Variants in RBMS3 observed in about 807,000 individuals in gnomAD.
RBMS3 encodes the protein RNA-binding motif, single-stranded-interacting protein 3.
RBMS3 carries 27 observed loss-of-function variants against 66.8 expected under a neutral mutation model. That is an observed-to-expected ratio of 0.40 (90% CI 0.30 to 0.56). The LOEUF (loss-of-function observed/expected upper bound fraction) is 0.56. RBMS3 is among the 20% of genes least tolerant of loss of function. RBMS3 has a pLI of 0.40. For missense variants in RBMS3, 513 were observed against 549.5 expected, an observed-to-expected ratio of 0.93 and a Z score of 0.66; for synonymous variants, 188 against 183.0, an observed-to-expected ratio of 1.03 and a Z score of -0.22.
chr3:29,428,740 A>G (rs2041062988), intron 1 of RBMS3, among the ~76,000 whole-genome samples: 1 of 152,226 alleles, frequency 6.6e-6, no homozygotes, highest in South Asian at 2.1e-4. Flanking sequence ...AGGAAGATCT[A>G]CAAGCCAGTT....
At chr3:29,440,601 A>G (rs1364208838) in intron 2 of RBMS3, among the ~76,000 whole-genome samples, 1 of 152,222 alleles carries the variant, frequency 6.6e-6, no homozygotes, top group Non-Finnish European at 1.5e-5. Context: ...TCTGAATGTC[A>G]CTTTAACATT....
intron 2 of RBMS3, among the ~76,000 whole-genome samples, chr3:29,473,634 C>G (rs771001107): frequency 6.6e-6 from 1 of 152,228 alleles, no homozygotes; most frequent in African/African-American, 2.4e-5. Context: ...CTGCAGGTCC[C>G]GAGCCCTGCC....
intron 12 of RBMS3, among the ~76,000 whole-genome samples, chr3:29,968,756 C>G (rs905491753): frequency 6.6e-6 from 1 of 152,220 alleles, no homozygotes; most frequent in Non-Finnish European, 1.5e-5. Context: ...TGTGGATCCT[C>G]TCAGGATTGC....
chr3:29,814,753 A>T (rs955995816), intron 6 of RBMS3, among the ~76,000 whole-genome samples: 1 of 152,238 alleles, frequency 6.6e-6, no homozygotes, highest in African/African-American at 2.4e-5. Context: ...CACATTGTGC[A>T]CATGTACCCT....
intron 10 of RBMS3, among the ~76,000 whole-genome samples, chr3:29,918,701 T>C (rs2060698096): frequency 6.6e-6 from 1 of 152,188 alleles, no homozygotes; most frequent in Non-Finnish European, 1.5e-5. Flanking sequence ...GAGAAAATTC[T>C]ATGTAAGTAT....
chr3:29,486,709 C>T (rs2043333973), intron 2 of RBMS3, among the ~76,000 whole-genome samples: 1 of 152,096 alleles, frequency 6.6e-6, no homozygotes, highest in African/African-American at 2.4e-5. Flanking sequence ...GGACAATATG[C>T]ATGCCATTGA....
chr3:29,384,435 T>TAATAATAATAATAATAATAATAATAAG (rs776357215), intron 1 of RBMS3, among the ~76,000 whole-genome samples: 1 of 141,038 alleles, frequency 7.1e-6, no homozygotes, highest in Non-Finnish European at 1.5e-5. Flanking sequence ...ATAATAATAA[T>TAATAATAATAATAATAATAATAATAAG]AAGAAGAAGA....
At chr3:29,662,442 T>A (rs72846074) in intron 4 of RBMS3, among the ~76,000 whole-genome samples, 5,381 of 152,308 alleles carry the variant, frequency 0.035, 211 homozygotes, top group African/African-American at 0.09. Flanking sequence ...CCATTTCAAC[T>A]GTATGTAGTA....
intron 1 of RBMS3, among the ~76,000 whole-genome samples, chr3:29,423,885 T>G (rs1333982442): frequency 2.0e-5 from 3 of 152,134 alleles, no homozygotes; most frequent in Non-Finnish European, 4.4e-5. Context: ...TAGCTTCAGG[T>G]CCTGGGTATG....
intron 4 of RBMS3, among the ~76,000 whole-genome samples, chr3:29,638,511 A>G (rs1448537900): frequency 6.6e-6 from 1 of 151,850 alleles, no homozygotes; most frequent in African/African-American, 2.4e-5. Flanking sequence ...CTGAAAAATT[A>G]CTTGATAGTT....
chr3:29,438,370 T>C (rs59229759), intron 2 of RBMS3, among the ~76,000 whole-genome samples: 8,187 of 152,154 alleles, frequency 0.054, 440 homozygotes, highest in African/African-American at 0.13. Flanking sequence ...TAAAAAGGCA[T>C]AGACATATTG....
At chr3:29,447,913 A>G (rs2041889482) in intron 2 of RBMS3, among the ~76,000 whole-genome samples, 1 of 152,192 alleles carries the variant, frequency 6.6e-6, no homozygotes, top group Non-Finnish European at 1.5e-5. Flanking sequence ...GCAGCCTTCC[A>G]CACATGAGTT....
At chr3:29,754,480 G>A (rs561387981) in intron 5 of RBMS3, among the ~76,000 whole-genome samples, 36 of 152,078 alleles carry the variant, frequency 2.4e-4, no homozygotes, top group Non-Finnish European at 4.1e-4. Context: ...ATCTGAGGAG[G>A]GCTTACCCAG....
At chr3:29,581,365 G>GT (rs1389993727) in intron 3 of RBMS3, among the ~76,000 whole-genome samples, 1 of 152,148 alleles carries the variant, frequency 6.6e-6, no homozygotes. Context: ...TAACTGAATA[G>GT]TTTAGGGATA....
chr3:29,450,775 A>G (rs1486915033), intron 2 of RBMS3, among the ~76,000 whole-genome samples: 5 of 152,114 alleles, frequency 3.3e-5, no homozygotes, highest in African/African-American at 1.2e-4. Flanking sequence ...ATTATGAAGG[A>G]ATAAGGGAAG....
chr3:29,294,456 A>AAAC (rs537463124), intron 1 of RBMS3, among the ~76,000 whole-genome samples: 148 of 151,834 alleles, frequency 9.7e-4, no homozygotes, highest in African/African-American at 3.4e-3. Flanking sequence ...GAAAAAAAAA[A>AAAC]CATAGTACTG....
intron 3 of RBMS3, among the ~76,000 whole-genome samples, chr3:29,498,918 A>G (rs1010230582): frequency 3.3e-5 from 5 of 152,198 alleles, no homozygotes; most frequent in African/African-American, 1.2e-4. Flanking sequence ...GTTAATAGCA[A>G]AAAGTATAAG....
intron 6 of RBMS3, among the ~76,000 whole-genome samples, chr3:29,851,223 G>T (rs919790090): frequency 6.6e-6 from 1 of 152,080 alleles, no homozygotes; most frequent in South Asian, 2.1e-4. Context: ...ACATTCCTTA[G>T]TCTAGTTATA....
intron 12 of RBMS3, among the ~76,000 whole-genome samples, chr3:29,962,365 G>C (rs886623479): frequency 6.6e-6 from 1 of 151,782 alleles, no homozygotes; most frequent in Non-Finnish European, 1.5e-5. Flanking sequence ...TAGAATTCTA[G>C]AGGTCTAAAA....
Sources: allele counts gnomAD v4.1 joint callset (sites outside exome capture counted in the v4.1 genomes callset), GRCh38; gene constraint gnomAD v4.1.1; transcripts MANE v1.5; gene names NCBI Gene and HGNC (gene_info 2026-07-23, HGNC 2026-07-21).